RAD51B: variants seen among roughly 807,000 people sequenced by gnomAD.
RAD51B encodes DNA repair protein RAD51 homolog 2.
In RAD51B, 38 loss-of-function variants were observed where a neutral mutation model predicts 42.2. That is an observed-to-expected ratio of 0.90 (90% CI 0.70 to 1.18). RAD51B has a LOEUF of 1.18. RAD51B is among the 50% of genes most tolerant of loss of function. RAD51B has a pLI of 0.00. For synonymous variants in RAD51B, 154 were observed against 145.2 expected (o/e 1.06, Z -0.43); for missense variants, 373 against 400.7 (o/e 0.93, Z 0.59).
chr14:68,679,654 C>T (rs573948632), intron 11 of RAD51B, among the ~76,000 whole-genome samples: 2 of 152,300 alleles, frequency 1.3e-5, no homozygotes, highest in African/African-American at 4.8e-5. Flanking sequence ...CACCATTTAA[C>T]CTTGTTGGTA....
chr14:68,589,125 G>A (rs1041992219), intron 10 of RAD51B, among the ~76,000 whole-genome samples: 1 of 152,160 alleles, frequency 6.6e-6, no homozygotes, highest in Non-Finnish European at 1.5e-5. Flanking sequence ...CACCCATTCT[G>A]GGGATAACAG....
At chr14:68,163,919 T>C (rs1319418590) in intron 7 of RAD51B, among the ~76,000 whole-genome samples, 2 of 152,200 alleles carry the variant, frequency 1.3e-5, no homozygotes, top group African/African-American at 4.8e-5. Flanking sequence ...GTTGAAAAAA[T>C]ACTGTAATAA....
intron 9 of RAD51B, among the ~76,000 whole-genome samples, chr14:68,413,177 T>C (rs1431154843): frequency 1.3e-5 from 2 of 152,256 alleles, no homozygotes; most frequent in Non-Finnish European, 2.9e-5. Flanking sequence ...TTTCTTTTGT[T>C]TTAATAAATT....
At chr14:67,972,661 A>C (rs1209267750) in intron 7 of RAD51B, among the ~76,000 whole-genome samples, 1 of 152,170 alleles carries the variant, frequency 6.6e-6, no homozygotes, top group African/African-American at 2.4e-5. Context: ...GTTGATATAC[A>C]GTCCTATTGC....
chr14:68,176,521 T>A (rs2140872435), intron 7 of RAD51B, among the ~76,000 whole-genome samples: 1 of 152,290 alleles, frequency 6.6e-6, no homozygotes, highest in Non-Finnish European at 1.5e-5. Context: ...AACTCAATCA[T>A]CATTAGATGA....
intron 10 of RAD51B, among the ~76,000 whole-genome samples, chr14:68,580,261 C>T (rs562351802): frequency 6.6e-6 from 1 of 152,192 alleles, no homozygotes; most frequent in African/African-American, 2.4e-5. Flanking sequence ...GCCACTCTGC[C>T]CCACCTCTTC....
At chr14:68,567,512 A>C (rs1889483068) in intron 10 of RAD51B, among the ~76,000 whole-genome samples, 2 of 152,198 alleles carry the variant, frequency 1.3e-5, no homozygotes, top group African/African-American at 4.8e-5. Flanking sequence ...GGTTTACATT[A>C]GGGTTCACAC....
chr14:68,647,807 T>C (rs1236620469), intron 10 of RAD51B, among the ~76,000 whole-genome samples: 4 of 151,876 alleles, frequency 2.6e-5, no homozygotes, highest in Non-Finnish European at 5.9e-5. Context: ...GCCTCCCGAG[T>C]AGCCGGAATT....
chr14:68,662,321 C>T (rs867311796), intron 11 of RAD51B, among the ~76,000 whole-genome samples: 5 of 152,222 alleles, frequency 3.3e-5, no homozygotes, highest in Non-Finnish European at 7.3e-5. Context: ...TCCAGATGTA[C>T]ATTAATCCTA....
chr14:68,050,736 C>T (rs549030262), intron 7 of RAD51B, among the ~76,000 whole-genome samples: 27 of 152,220 alleles, frequency 1.8e-4, no homozygotes, highest in Non-Finnish European at 1.6e-4. Flanking sequence ...CATCTCTTAA[C>T]GCATTTATGT....
At chr14:68,589,652 C>A (rs1248137147) in intron 10 of RAD51B, among the ~76,000 whole-genome samples, 1 of 152,190 alleles carries the variant, frequency 6.6e-6, no homozygotes, top group Non-Finnish European at 1.5e-5. Context: ...TGTACAGACT[C>A]TCCTCTTCCT....
chr14:68,009,963 A>G (rs1000649979), intron 7 of RAD51B, among the ~76,000 whole-genome samples: 1 of 151,822 alleles, frequency 6.6e-6, no homozygotes. Flanking sequence ...ATTTGTTTCT[A>G]TGCTTATTTC....
intron 9 of RAD51B, among the ~76,000 whole-genome samples, chr14:68,437,438 AT>A (rs538040241): frequency 5.7e-4 from 87 of 152,284 alleles, no homozygotes; most frequent in African/African-American, 2.0e-3. Flanking sequence ...TTTTACACAT[AT>A]GTCCATCAGG....
intron 7 of RAD51B, among the ~76,000 whole-genome samples, chr14:67,989,650 A>AG (rs2075257489): frequency 6.6e-6 from 1 of 150,998 alleles, no homozygotes; most frequent in East Asian, 1.9e-4. Context: ...AAAAAAAAAA[A>AG]AAAAAAAGAA....
At chr14:68,350,015 A>T (rs1814362902) in intron 8 of RAD51B, among the ~76,000 whole-genome samples, 1 of 152,208 alleles carries the variant, frequency 6.6e-6, no homozygotes, top group Non-Finnish European at 1.5e-5. Flanking sequence ...GGTGTCTTTG[A>T]AATCAAATAC....
At chr14:68,485,786 G>A (rs775663902) in intron 10 of RAD51B, among the ~76,000 whole-genome samples, 4 of 152,176 alleles carry the variant, frequency 2.6e-5, no homozygotes, top group Non-Finnish European at 5.9e-5. Context: ...TGAAGGACTC[G>A]GTTTGGATCA....
intron 7 of RAD51B, among the ~76,000 whole-genome samples, chr14:68,097,010 C>T (rs1183155884): frequency 1.3e-5 from 2 of 152,190 alleles, no homozygotes; most frequent in Non-Finnish European, 2.9e-5. Flanking sequence ...AGTTAAATCT[C>T]ATTCCTCCTA....
At chr14:67,834,011 G>A (rs917534603) in intron 3 of RAD51B, among the ~76,000 whole-genome samples, 1 of 152,178 alleles carries the variant, frequency 6.6e-6, no homozygotes, top group African/African-American at 2.4e-5. Context: ...CACACCCTGG[G>A]TGGCTTCAGA....
intron 10 of RAD51B, among the ~76,000 whole-genome samples, chr14:68,626,451 T>C (rs1892082370): frequency 6.6e-6 from 1 of 152,238 alleles, no homozygotes; most frequent in African/African-American, 2.4e-5. Context: ...CTCTGTTGAC[T>C]GGGCTCAGCT....
Sources: allele counts gnomAD v4.1 joint callset (sites outside exome capture counted in the v4.1 genomes callset), GRCh38; gene constraint gnomAD v4.1.1; transcripts MANE v1.5; gene names NCBI Gene and HGNC (gene_info 2026-07-23, HGNC 2026-07-21).